EXOC4: variants seen among roughly 807,000 people sequenced by gnomAD.
The protein encoded by EXOC4 is exocyst complex component 4.
Under a neutral mutation model 107.2 loss-of-function variants are expected in EXOC4, and 71 were observed. The observed-to-expected ratio is 0.66, with a 90% confidence interval of 0.55 to 0.81. The LOEUF (loss-of-function observed/expected upper bound fraction) is 0.81. Among genes scored for constraint, EXOC4 ranks in the 30% least tolerant of loss-of-function variants. The pLI, the probability that EXOC4 is intolerant of heterozygous loss-of-function variation, is 0.00. For synonymous variants in EXOC4, 456 were observed against 441.2 expected (o/e 1.03, Z -0.42); for missense variants, 1,108 against 1,189.6 (o/e 0.93, Z 1.01).
intron 13 of EXOC4, among the ~76,000 whole-genome samples, chr7:133,922,165 A>G (rs976268061): frequency 6.6e-6 from 1 of 152,154 alleles, no homozygotes; most frequent in Non-Finnish European, 1.5e-5. Flanking sequence ...ATGAAGCATA[A>G]TAAATATATG....
chr7:133,769,569 T>C (rs1796204965), intron 10 of EXOC4, among the ~76,000 whole-genome samples: 1 of 151,866 alleles, frequency 6.6e-6, no homozygotes, highest in South Asian at 2.1e-4. Context: ...AAATGATTTC[T>C]TCTTATTATT....
At chr7:133,970,155 C>A (rs1801169170) in intron 14 of EXOC4, among the ~76,000 whole-genome samples, 1 of 152,138 alleles carries the variant, frequency 6.6e-6, no homozygotes, top group South Asian at 2.1e-4. Flanking sequence ...GAGGGGAAAA[C>A]TGCCTACTCA....
intron 2 of EXOC4, among the ~76,000 whole-genome samples, chr7:133,281,325 T>C (rs910882288): frequency 1.4e-5 from 2 of 139,930 alleles, no homozygotes; most frequent in African/African-American, 5.3e-5. Flanking sequence ...GAAAATTCAA[T>C]AAAATACATA....
chr7:133,713,692 C>A (rs182093400), intron 10 of EXOC4, among the ~76,000 whole-genome samples: 1 of 151,998 alleles, frequency 6.6e-6, no homozygotes, highest in Admixed American at 6.6e-5. Context: ...ATGCTGTTCT[C>A]GTGATAGTGA....
At chr7:133,667,023 A>G (rs1266260172) in intron 10 of EXOC4, among the ~76,000 whole-genome samples, 1 of 151,676 alleles carries the variant, frequency 6.6e-6, no homozygotes, top group Non-Finnish European at 1.5e-5. Flanking sequence ...CTTTTCTTCC[A>G]TTCTCTCTTA....
chr7:133,600,550 C>T (rs1801782302), intron 9 of EXOC4, among the ~76,000 whole-genome samples: 1 of 152,138 alleles, frequency 6.6e-6, no homozygotes, highest in South Asian at 2.1e-4. Context: ...ATCGATGTTG[C>T]AAATTTTCCA....
intron 3 of EXOC4, among the ~76,000 whole-genome samples, chr7:133,291,644 A>T (rs187676500): frequency 1.8e-4 from 27 of 152,132 alleles, no homozygotes; most frequent in Admixed American, 1.6e-3. Flanking sequence ...TGGCCTCCCA[A>T]AGTGCTGGGA....
chr7:133,394,746 A>G (rs1796933123), intron 7 of EXOC4, among the ~76,000 whole-genome samples: 1 of 152,192 alleles, frequency 6.6e-6, no homozygotes, highest in African/African-American at 2.4e-5. Flanking sequence ...AAGAATCAAA[A>G]GAGATGTTTG....
intron 5 of EXOC4, among the ~76,000 whole-genome samples, chr7:133,325,369 T>C (rs2150593813): frequency 6.6e-6 from 1 of 152,360 alleles, no homozygotes; most frequent in Non-Finnish European, 1.5e-5. Context: ...TTTCCATGTT[T>C]AGTGCTTCCT....
chr7:133,498,579 C>T (rs923389791), intron 9 of EXOC4, among the ~76,000 whole-genome samples: 4 of 152,060 alleles, frequency 2.6e-5, no homozygotes, highest in Admixed American at 6.5e-5. Context: ...AGCGAGACTC[C>T]GTCTCAAAAA....
intron 10 of EXOC4, among the ~76,000 whole-genome samples, chr7:133,772,983 G>A (rs971525048): frequency 4.6e-5 from 7 of 152,116 alleles, no homozygotes; most frequent in Non-Finnish European, 4.4e-5. Flanking sequence ...TACAGTGAGC[G>A]TCAGTGGGGA....
intron 9 of EXOC4, among the ~76,000 whole-genome samples, chr7:133,618,866 T>C (rs1482900819): frequency 6.6e-6 from 1 of 152,178 alleles, no homozygotes; most frequent in Non-Finnish European, 1.5e-5. Context: ...CAACAAGTAA[T>C]ATTATATATC....
intron 12 of EXOC4, among the ~76,000 whole-genome samples, chr7:133,914,051 T>C (rs552052829): frequency 1.3e-5 from 2 of 152,186 alleles, no homozygotes; most frequent in Non-Finnish European, 2.9e-5. Context: ...AAAAGTGCTC[T>C]TGGGTTGGTG....
intron 12 of EXOC4, among the ~76,000 whole-genome samples, chr7:133,901,262 A>C (rs892004026): frequency 3.9e-5 from 6 of 152,192 alleles, no homozygotes; most frequent in Non-Finnish European, 5.9e-5. Context: ...TATTCCTGTA[A>C]GTTCCTTGTC....
chr7:133,832,935 T>C (rs1797841175), intron 11 of EXOC4, among the ~76,000 whole-genome samples: 1 of 152,130 alleles, frequency 6.6e-6, no homozygotes, highest in Non-Finnish European at 1.5e-5. Context: ...ATGTAAACTG[T>C]TGAATCTACA....
intron 10 of EXOC4, among the ~76,000 whole-genome samples, chr7:133,639,888 A>G (rs1296278761): frequency 2.6e-5 from 4 of 152,132 alleles, no homozygotes; most frequent in Non-Finnish European, 4.4e-5. Flanking sequence ...AATAATGTCA[A>G]GAAGAAAAAA....
intron 5 of EXOC4, among the ~76,000 whole-genome samples, chr7:133,324,969 C>T (rs1238366798): frequency 1.3e-5 from 2 of 152,124 alleles, no homozygotes; most frequent in Admixed American, 6.5e-5. Context: ...ATGTAATGGC[C>T]TTCTTTGTCT....
At chr7:133,594,083 A>G (rs1585019947) in intron 9 of EXOC4, among the ~76,000 whole-genome samples, 2 of 152,196 alleles carry the variant, frequency 1.3e-5, no homozygotes, top group South Asian at 4.1e-4. Context: ...AGTGTTATTG[A>G]GGCAAAACTG....
the EXOC4 span, among the ~76,000 whole-genome samples, chr7:134,085,468 C>G: frequency 6.6e-6 from 1 of 152,154 alleles, no homozygotes; most frequent in Non-Finnish European, 1.5e-5. Flanking sequence ...TTAACTTGCA[C>G]TATTCCTGTA....
Sources: allele counts gnomAD v4.1 joint callset (sites outside exome capture counted in the v4.1 genomes callset), GRCh38; gene constraint gnomAD v4.1.1; transcripts MANE v1.5; gene names NCBI Gene and HGNC (gene_info 2026-07-23, HGNC 2026-07-21).